Variants in PRMT7 observed in about 807,000 individuals in gnomAD.
The protein encoded by PRMT7 is protein arginine methyltransferase 7.
PRMT7 carries 75 observed loss-of-function variants against 85.4 expected under a neutral mutation model. The ratio of observed to expected loss-of-function variants is 0.88; its 90% CI spans 0.73 to 1.06. PRMT7 has a LOEUF of 1.06. Among genes scored for constraint, PRMT7 ranks in the 50% least tolerant of loss-of-function variants. The probability of loss-of-function intolerance (pLI) is 0.00; values close to 1 mark genes in which losing one functional copy is unlikely to be tolerated. For synonymous variants in PRMT7, 397 were observed against 359.5 expected (o/e 1.10, Z -1.18); for missense variants, 868 against 915.2 (o/e 0.95, Z 0.67).
chr16:68,328,794 G>A (rs1397222283), intron 5 of PRMT7, among the ~76,000 whole-genome samples: 2 of 152,120 alleles, frequency 1.3e-5, no homozygotes, highest in South Asian at 4.1e-4. Context: ...GCGTCCTCTT[G>A]TGCGGTACTG....
At position 68,347,498 on chromosome 16, in the gene PRMT7, A is replaced by G. The variant is rs567732419; in HGVS notation, c.1276-133A>G. 314 of 1,098,894 alleles carry G rather than the reference A, an allele frequency of 2.9e-4. 2 individuals carry two copies. The African/African-American group carries it at 4.3e-3, about 15-fold the overall frequency. 68.1% of individuals were successfully genotyped at this position (1,098,894 alleles called of 1,614,324 possible). Reference sequence around the variant, plus strand: ...TCAGAGCTGGTGTTCAGGCTGCCCCAGGGAGGGAATGAGGGCAGGGAGGGT... The same window carrying G: ...TCAGAGCTGGTGTTCAGGCTGCCCCGGGGAGGGAATGAGGGCAGGGAGGGT... On this transcript the variant is annotated intron_variant, in intron 12 of 18. Coordinates refer to ENST00000441236, the MANE Select transcript of PRMT7 (RefSeq NM_019023.5).
chr16:68,346,178 C>G lies in PRMT7; in HGVS notation c.1089C>G (p.Arg363=). The G allele has an allele frequency of 6.2e-7, 1 of 1,614,130 alleles. No individual in the cohort carries two copies. The highest frequency in any genetic ancestry group is 8.5e-7 in the Non-Finnish European group (1 of 1,180,036). The change falls in exon 11 of 19, where the codon CGC becomes CGG. Residue 363 remains arginine (R), a synonymous_variant. Transcript: ENST00000441236. ...PEKNERVRQM[R]PVCDCQAHLL... ...AGAATGAGAGAGTCCGCCAGATGCGCCCCGTGTGTGACTGCCAGGCTCACC... is the reference window on the plus strand; with the variant it reads ...AGAATGAGAGAGTCCGCCAGATGCGGCCCGTGTGTGACTGCCAGGCTCACC...
intron 17 of PRMT7, 105 bp downstream of exon 17, chr16:68,355,988 G>T (rs1277254205): frequency 2.4e-6 from 3 of 1,238,750 alleles, no homozygotes; most frequent in Non-Finnish European, 2.1e-6. Flanking sequence ...GACACGTGGA[G>T]GGGGTATTCG....
chr16:68,340,406 C>T (rs1198729981), intron 9 of PRMT7, among the ~76,000 whole-genome samples: 3 of 152,056 alleles, frequency 2.0e-5, no homozygotes, highest in Non-Finnish European at 4.4e-5. Context: ...GGGATAGTTG[C>T]CCACTGTCCC....
At chr16:68,314,887 A>G (rs2044482866) in intron 2 of PRMT7, among the ~76,000 whole-genome samples, 1 of 152,150 alleles carries the variant, frequency 6.6e-6, no homozygotes, top group Non-Finnish European at 1.5e-5. Flanking sequence ...TTGAAGCAAA[A>G]TTTTTTTAGA....
intron 16 of PRMT7, among the ~76,000 whole-genome samples, chr16:68,353,855 C>T (rs910600382): frequency 1.1e-4 from 17 of 152,360 alleles, no homozygotes; most frequent in East Asian, 1.9e-4. Flanking sequence ...CAGAGGCCAT[C>T]TGGGAACCTT....
At chr16:68,349,505 T>C (rs188847779) in intron 14 of PRMT7, among the ~76,000 whole-genome samples, 1 of 152,286 alleles carries the variant, frequency 6.6e-6, no homozygotes, top group East Asian at 1.9e-4. Flanking sequence ...TATTGAGATG[T>C]AGTTGACATA....
At chr16:68,321,061 G>C (rs1246281556) in intron 3 of PRMT7, among the ~76,000 whole-genome samples, 1 of 152,134 alleles carries the variant, frequency 6.6e-6, no homozygotes, top group East Asian at 1.9e-4. Context: ...TTGAGGTCAG[G>C]AGTTCGAGAA....
intron 18 of PRMT7, 37 bp downstream of exon 18, chr16:68,356,834 C>CCT: frequency 6.4e-7 from 1 of 1,571,600 alleles, no homozygotes; most frequent in Non-Finnish European, 8.6e-7. Context: ...TGCGTGCAGA[C>CCT]CCTGAGAGCA....
chr16:68,321,996 A>G (rs577307276), intron 4 of PRMT7, among the ~76,000 whole-genome samples: 3 of 150,992 alleles, frequency 2.0e-5, no homozygotes, highest in Admixed American at 6.6e-5. Context: ...CACTCAGGCT[A>G]GAGTACAGGG....
rs1380896176 is a variant in PRMT7 at position 68,337,556 on chromosome 16, C to T, written c.489C>T (p.His163=). 1.9e-6 allele frequency: 3 copies of T among 1,606,978 alleles called. No homozygotes were observed. Among genetic ancestry groups the T allele is most frequent in the African/African-American group, 1.3e-5 (1 of 74,686 alleles). ...CGCTGCCCTCCTATGAGCACGCACA[C>T]AGGCATCTCGTGGAGGTAGTAGACG... The part of the protein sequence containing the change: ...EGALPSYEHA[H]RHLVEENCEA... The change falls in exon 7 of 19, where the codon CAC becomes CAT. Residue 163 remains histidine, a synonymous_variant. Transcript: ENST00000441236.
At chr16:68,326,696 A>C (rs893445698) in intron 5 of PRMT7, among the ~76,000 whole-genome samples, 33 of 152,188 alleles carry the variant, frequency 2.2e-4, no homozygotes, top group Non-Finnish European at 1.5e-4. Flanking sequence ...AGACAAGTGC[A>C]CCACTGCAAA....
intron 5 of PRMT7, among the ~76,000 whole-genome samples, chr16:68,325,081 G>C (rs555892683): frequency 6.6e-6 from 1 of 152,370 alleles, no homozygotes; most frequent in Admixed American, 6.5e-5. Flanking sequence ...TTACAGGCTG[G>C]GCACAGTGGC....
At position 68,347,679 on chromosome 16, in the gene PRMT7, G is replaced by T; in HGVS notation, c.1323+1G>T. 6.2e-7 allele frequency: 1 copy of T among 1,613,774 alleles called. No individual in the cohort carries two copies. The highest frequency in any genetic ancestry group is 8.5e-7 in the Non-Finnish European group (1 of 1,179,754). The stretch of plus-strand genomic sequence containing the variant: ...AGCTTCTCACAAACTGTTGAGAAAA[G>T]TAAGTGAGAATTGTTGTTGCTGAAA... On this transcript the variant is annotated splice_donor_variant, in intron 13 of 18. Coordinates refer to ENST00000441236, the MANE Select transcript of PRMT7 (RefSeq NM_019023.5). LOFTEE classifies it high-confidence loss of function.
chr16:68,318,340 C>T (rs2082113085), intron 3 of PRMT7, among the ~76,000 whole-genome samples: 2 of 151,842 alleles, frequency 1.3e-5, no homozygotes, highest in South Asian at 4.2e-4. Context: ...GCTGGGACTA[C>T]AGGTGCCCGC....
rs754007433 is a variant in PRMT7 at position 68,329,165 on chromosome 16, G to C, written c.382G>C (p.Val128Leu). The change falls in exon 6 of 19, where the codon GTA becomes CTA. Residue 128 changes from valine (V) to leucine (L), a missense_variant. Transcript: ENST00000441236. ...VINKHSTEVT[V>L]GPEGDMPCRA... ...CAACAAGCATTCCACCGAGGTGACT[G>C]TAGGTCCAGGTGAGATTTACACACC... is the stretch of plus-strand genomic sequence containing the variant. The C allele has an allele frequency of 6.4e-5, 101 of 1,590,120 alleles. No homozygotes were observed. Among genetic ancestry groups the C allele is most frequent in the Non-Finnish European group, 8.4e-5 (97 of 1,158,494 alleles).
intron 6 of PRMT7, among the ~76,000 whole-genome samples, chr16:68,337,051 CTAATTTTTGTATTTTTT>C (rs1246447598): frequency 6.6e-6 from 1 of 152,168 alleles, no homozygotes; most frequent in Non-Finnish European, 1.5e-5. Flanking sequence ...CCATGCCTGG[CTAATTTTTGTATTTTTT>C]GTGGAAATGG....
intron 7 of PRMT7, 121 bp downstream of exon 7, chr16:68,337,692 C>T (rs867967340): frequency 6.8e-6 from 3 of 439,472 alleles, no homozygotes; most frequent in South Asian, 6.3e-5. Flanking sequence ...CCTGGGACAC[C>T]CCTCCATTCC....
At chr16:68,316,124 C>T in intron 3 of PRMT7, 50 bp downstream of exon 3, 1 of 1,481,664 alleles carries the variant, frequency 6.7e-7, no homozygotes, top group Non-Finnish European at 9.4e-7. Context: ...CACTTGATCT[C>T]AAAGCAGATG....
Sources: gnomAD v4.1 joint callset for allele counts (sites outside exome capture counted in the v4.1 genomes callset) on GRCh38, gnomAD v4.1.1 for gene constraint, MANE v1.5 for transcripts, NCBI Gene and HGNC (gene_info 2026-07-23, HGNC 2026-07-21) for gene names.